The following GFI1B variants were observed in gnomAD, a reference collection of about 807,000 sequenced individuals.
GFI1B encodes the protein zinc finger protein Gfi-1b.
A neutral mutation model predicts 35.3 loss-of-function variants in GFI1B; 20 were observed. The observed-to-expected ratio is 0.57, with a 90% CI of 0.40 to 0.82. The LOEUF (loss-of-function observed/expected upper bound fraction) is 0.82. Among genes scored for constraint, GFI1B ranks in the 40% least tolerant of loss-of-function variants. The pLI is 0.00. For missense variants in GFI1B, 430 were observed against 446.3 expected, an observed-to-expected ratio of 0.96 and a Z score of 0.33; for synonymous variants, 178 against 177.6, an observed-to-expected ratio of 1.00 and a Z score of -0.02.
At chr9:132,974,336 A>G (rs141296018), upstream of GFI1B, among the ~76,000 whole-genome samples, 1,925 of 152,142 alleles carry the variant, frequency 0.013, 52 homozygotes, top group African/African-American at 0.044. Context: ...GGTGGCTCAC[A>G]CCTGTAATCC....
At chr9:132,971,844 C>T (rs1459797607) in intron 1 of GFI1B, among the ~76,000 whole-genome samples, 1 of 151,614 alleles carries the variant, frequency 6.6e-6, no homozygotes, top group Non-Finnish European at 1.5e-5. Flanking sequence ...TATGGTGGCA[C>T]GTGCCTGTAA....
chr9:132,990,991 G>A lies in GFI1B; in HGVS notation c.934G>A (p.Gly312Ser), dbSNP rs1307228755. The change falls in exon 7 of 7, where the codon GGC becomes AGC. Residue 312 changes from glycine (G) to serine (S), a missense_variant. Coordinates refer to ENST00000372122, the MANE Select transcript of GFI1B (RefSeq NM_001377304.1). ...KPFSCELCTK[G>S]FQRKVDLRRH... ...CTTCAGCTGTGAGCTGTGCACCAAA[G>A]GCTTCCAGCGCAAGGTGGACCTGCG... is the stretch of plus-strand genomic sequence containing the variant. 2 of 1,614,200 alleles carry A rather than the reference G, an allele frequency of 1.2e-6. No individual in the cohort carries two copies. Among genetic ancestry groups the A allele is most frequent in the Admixed American group, 1.7e-5 (1 of 60,036 alleles).
intron 1 of GFI1B, among the ~76,000 whole-genome samples, chr9:132,967,662 AT>A (rs1848468586): frequency 6.6e-6 from 1 of 152,250 alleles, no homozygotes; most frequent in Non-Finnish European, 1.5e-5. Flanking sequence ...GTGATTATGT[AT>A]GAAAGCAATA....
downstream of GFI1B, among the ~76,000 whole-genome samples, chr9:132,991,926 G>T (rs1849307537): frequency 6.6e-6 from 1 of 152,132 alleles, no homozygotes; most frequent in South Asian, 2.1e-4. Context: ...TGCAGCTGGG[G>T]CGGTATCCGT....
At chr9:132,952,270 A>G (rs1848213141) in intron 1 of GFI1B, 2 of 152,084 alleles carry the variant, frequency 1.3e-5, no homozygotes, top group Non-Finnish European at 2.9e-5. Flanking sequence ...TGAGTTTTCT[A>G]GGGATATTAT....
intron 2 of GFI1B, among the ~76,000 whole-genome samples, 191 bp from the exon 3 acceptor site, chr9:132,987,091 C>T (rs370406708): frequency 2.6e-5 from 4 of 152,296 alleles, no homozygotes; most frequent in South Asian, 2.1e-4. Flanking sequence ...AAGTCTTCCC[C>T]GGGGTCTCCT....
downstream of GFI1B, among the ~76,000 whole-genome samples, chr9:132,993,092 G>A (rs1202755525): frequency 4.6e-5 from 7 of 152,098 alleles, no homozygotes; most frequent in South Asian, 8.3e-4. Context: ...TCAGGAGTTC[G>A]AGACCAGCCT....
chr9:132,986,971 G>C (rs1849090963), intron 2 of GFI1B, among the ~76,000 whole-genome samples, 193 bp downstream of exon 2: 1 of 152,238 alleles, frequency 6.6e-6, no homozygotes, highest in African/African-American at 2.4e-5. Flanking sequence ...CCCTGTTAGG[G>C]AGACGAGAGT....
chr9:132,951,297 A>G (rs1206755534), intron 1 of GFI1B: 1 of 152,178 alleles, frequency 6.6e-6, no homozygotes, highest in Non-Finnish European at 1.5e-5. Flanking sequence ...TCTACACCCC[A>G]TTTGCAATGA....
At chr9:132,956,357 G>A (rs962371047) in intron 1 of GFI1B, among the ~76,000 whole-genome samples, 1 of 151,774 alleles carries the variant, frequency 6.6e-6, no homozygotes, top group African/African-American at 2.4e-5. Flanking sequence ...TGTCATTTCC[G>A]TGAATCGTCT....
upstream of GFI1B, among the ~76,000 whole-genome samples, chr9:132,975,772 G>A (rs906550658): frequency 6.6e-6 from 1 of 152,246 alleles, no homozygotes; most frequent in African/African-American, 2.4e-5. Flanking sequence ...ATGGGCATGG[G>A]AATGCGGAAG....
At chr9:132,961,525 AAC>A (rs1848363614) in intron 1 of GFI1B, among the ~76,000 whole-genome samples, 1 of 152,094 alleles carries the variant, frequency 6.6e-6, no homozygotes, top group Non-Finnish European at 1.5e-5. Context: ...ACATAAAGGA[AAC>A]ACAAATTAAA....
intron 2 of GFI1B, 84 bp from the exon 3 acceptor site, chr9:132,987,198 C>T: frequency 7.0e-7 from 1 of 1,436,566 alleles, no homozygotes; most frequent in Non-Finnish European, 9.6e-7. Context: ...GCCTCCTCCT[C>T]CTAGGAAGGG....
intron 1 of GFI1B, 133 bp downstream of exon 1, chr9:132,978,974 AG>A (rs1250874615): frequency 2.0e-5 from 3 of 152,292 alleles, no homozygotes; most frequent in African/African-American, 7.2e-5. Flanking sequence ...AAGCTCTGGA[AG>A]GCAAGGAGCC....
Position 132,991,090 on chromosome 9 carries a change from G to A in GFI1B, c.*40G>A, listed in dbSNP as rs373369311. On this transcript the variant is annotated 3_prime_UTR_variant, in exon 7 of 7. Transcript: ENST00000372122. ...CCAGCTCCTGGCCAGCCTGCCCTGC[G>A]GTCCTGTCACCTGGAGGCCAGCCTC... 218 of 1,587,152 alleles carry A rather than the reference G, an allele frequency of 1.4e-4. 1 individual carries two copies. The African/African-American group carries it at 2.5e-3, about 18-fold the overall frequency.
At chr9:132,956,524 G>A (rs1418967593) in intron 1 of GFI1B, among the ~76,000 whole-genome samples, 1 of 152,210 alleles carries the variant, frequency 6.6e-6, no homozygotes, top group Non-Finnish European at 1.5e-5. Context: ...ACCCATGGAT[G>A]CTCTTCCATC....
chr9:132,981,206 ATGT>A (rs1564531838), intron 1 of GFI1B, among the ~76,000 whole-genome samples: 3 of 152,126 alleles, frequency 2.0e-5, no homozygotes, highest in Admixed American at 6.5e-5. Context: ...CATAGACCAC[ATGT>A]TGTTTGGACA....
At chr9:132,965,173 T>C (rs868667633) in intron 1 of GFI1B, among the ~76,000 whole-genome samples, 7 of 152,198 alleles carry the variant, frequency 4.6e-5, no homozygotes, top group Admixed American at 3.9e-4. Context: ...TTCTGAACAC[T>C]GAAACAGCTT....
chr9:132,968,085 C>G (rs905445913), intron 1 of GFI1B, among the ~76,000 whole-genome samples: 16 of 121,322 alleles, frequency 1.3e-4, no homozygotes, highest in African/African-American at 4.9e-4. Flanking sequence ...CCCAGCCATT[C>G]TTTTATTTAT....
Sources: allele counts gnomAD v4.1 joint callset (sites outside exome capture counted in the v4.1 genomes callset), GRCh38; gene constraint gnomAD v4.1.1; transcripts MANE v1.5; gene names NCBI Gene and HGNC (gene_info 2026-07-23, HGNC 2026-07-21).